Variants in ZNF816 observed in about 807,000 individuals in gnomAD.
The protein encoded by ZNF816 is zinc finger protein 816A.
ZNF816 carries 11 observed loss-of-function variants against 8.3 expected under a neutral mutation model. That is an observed-to-expected ratio of 1.32 (90% CI 0.83 to 2.19). The LOEUF is 2.19. Among genes scored for constraint, ZNF816 ranks in the 30% most tolerant of loss-of-function variants. ZNF816 has a pLI of 0.00. For missense variants in ZNF816, 710 were observed against 779.3 expected (o/e 0.91, Z 1.06); for synonymous variants, 255 against 254.5 (o/e 1.00, Z -0.02).
Position 52,951,030 on chromosome 19 carries a change from T to C in ZNF816, c.745A>G (p.Ile249Val), listed in dbSNP as rs1351380209. ...NYSSLLRRHH[I>V]THSREREYKC... ...TATTCTCTCTCTCTTGAATGGGTTA[T>C]GTGGTGTCTCCTTAAGAGTGAGCTA... The change falls in exon 4 of 4, where the codon ATA (isoleucine) becomes GTA (valine). Residue 249 changes from isoleucine to valine, a missense_variant. Coordinates refer to ENST00000444460, the MANE Select transcript of ZNF816 (RefSeq NM_001202457.3). The C allele has an allele frequency of 1.2e-6, 2 of 1,614,032 alleles. No homozygotes were observed. Among genetic ancestry groups the C allele is most frequent in the Admixed American group, 1.7e-5 (1 of 60,008 alleles).
At chr19:52,954,912 A>G (rs1033194090) in intron 2 of ZNF816, among the ~76,000 whole-genome samples, 3 of 152,096 alleles carry the variant, frequency 2.0e-5, no homozygotes, top group Non-Finnish European at 4.4e-5. Context: ...GACTTGCCAC[A>G]GAACTCTCAA....
chr19:52,959,065 G>A (rs1368216267), intron 1 of ZNF816, among the ~76,000 whole-genome samples: 2 of 152,242 alleles, frequency 1.3e-5, no homozygotes, highest in African/African-American at 4.8e-5. Context: ...CGAGGCCAGT[G>A]GCCTGCCTCT....
intron 1 of ZNF816, among the ~76,000 whole-genome samples, chr19:52,959,511 T>G (rs2083538578): frequency 6.6e-6 from 1 of 152,196 alleles, no homozygotes; most frequent in Admixed American, 6.5e-5. Context: ...GGATATGCGG[T>G]AGTAACCCTG....
intron 2 of ZNF816, among the ~76,000 whole-genome samples, chr19:52,955,540 G>A (rs569589422): frequency 2.6e-5 from 4 of 152,152 alleles, no homozygotes; most frequent in Non-Finnish European, 4.4e-5. Flanking sequence ...AAAGTTTGGC[G>A]TCAGAGACAT....
chr19:52,949,837 C>T lies in ZNF816; in HGVS notation c.1938G>A (p.Arg646=), dbSNP rs965704425. The T allele has an allele frequency of 8.7e-6, 14 of 1,613,518 alleles. No individual in the cohort carries two copies. Among genetic ancestry groups the T allele is most frequent in the Non-Finnish European group, 1.1e-5 (13 of 1,179,718 alleles). ...LIHHQAIHGC[R]ETLQM The stretch of plus-strand genomic sequence containing the variant: ...ACAATCATTACATTTGTAAAGTTTC[C>T]CTACACCCATGGATTGCTTGATGGT... The change falls in exon 4 of 4, where the codon AGG becomes AGA. Residue 646 remains arginine, a synonymous_variant. Coordinates refer to ENST00000444460, the MANE Select transcript of ZNF816 (RefSeq NM_001202457.3).
At chr19:52,961,372 C>G (rs2083555220) in intron 1 of ZNF816, among the ~76,000 whole-genome samples, 1 of 152,168 alleles carries the variant, frequency 6.6e-6, no homozygotes, top group Admixed American at 6.5e-5. Context: ...GCTCTCTTAA[C>G]TAAGAAAGGA....
intron 1 of ZNF816, 184 bp from the exon 2 acceptor site, chr19:52,956,288 T>G (rs766277704): frequency 1.0e-5 from 6 of 597,402 alleles, no homozygotes; most frequent in Non-Finnish European, 1.7e-5. Flanking sequence ...TTTTGACCCG[T>G]TTTCAGATCT....
At chr19:52,956,657 G>A (rs750795957) in intron 1 of ZNF816, among the ~76,000 whole-genome samples, 5 of 152,168 alleles carry the variant, frequency 3.3e-5, no homozygotes, top group Non-Finnish European at 7.3e-5. Context: ...CCATCTCTAC[G>A]AAGAACACAA....
Position 52,957,657 on chromosome 19 carries a change from C to A in ZNF816, c.-15-1553G>T, listed in dbSNP as rs1234656648. ...CAGTAGTAACCGCCCCGGTTGCCCC[C>A]CTTTCCAAAAAGACTATTGTTATAA... On this transcript the variant is annotated intron_variant, in intron 1 of 3. Transcript: ENST00000444460. This position sits in a 1 kb window ranked among gnomAD's most constrained non-coding sequence, Gnocchi z 4.6. 1.3e-5 allele frequency among the ~76,000 whole-genome samples: 2 copies of A among 152,154 alleles called. No homozygotes were observed. Among genetic ancestry groups the A allele is most frequent in the African/African-American group, 4.8e-5 (2 of 41,434 alleles).
chr19:52,954,627 C>A (rs1002881618), intron 2 of ZNF816, among the ~76,000 whole-genome samples: 2 of 152,048 alleles, frequency 1.3e-5, no homozygotes, highest in African/African-American at 4.8e-5. Flanking sequence ...AAGTTCGAGA[C>A]CAGCCTGGCC....
intron 2 of ZNF816, 85 bp downstream of exon 2, chr19:52,955,942 C>A: frequency 1.3e-6 from 2 of 1,528,384 alleles, no homozygotes; most frequent in Non-Finnish European, 1.8e-6. Context: ...TAGAATGCTT[C>A]ACACTCAGAG....
In ZNF816 at chr19:52,951,044, A is replaced by C; in HGVS notation, c.731T>G (p.Leu244Ter). Residue 244 changes from leucine to a stop codon, truncating the protein, a stop_gained, in exon 4 of 4, where the codon TTA becomes TGA. Transcript: ENST00000444460. LOFTEE classifies it low-confidence loss of function (END_TRUNC). Reference sequence around the variant, plus strand: ...TGAATGGGTTATGTGGTGTCTCCTTAAGAGTGAGCTATAATTAAAGGCTTT... The same window carrying C: ...TGAATGGGTTATGTGGTGTCTCCTTCAGAGTGAGCTATAATTAAAGGCTTT... ...CGKAFNYSSL[L>*]RRHHITHSRE... 1 of 1,614,084 alleles carries C rather than the reference A, an allele frequency of 6.2e-7. No homozygotes were observed. Among genetic ancestry groups the C allele is most frequent in the Non-Finnish European group, 8.5e-7 (1 of 1,180,024 alleles).
At position 52,950,074 on chromosome 19, in the gene ZNF816, A is replaced by G. The variant is rs1345837861; in HGVS notation, c.1701T>C (p.Cys567=). 1 of 1,613,926 alleles carries G rather than the reference A, an allele frequency of 6.2e-7. No individual in the cohort carries two copies. The highest frequency in any genetic ancestry group is 1.3e-5 in the African/African-American group (1 of 74,902). ...RVHTGEKPYK[C]NKCAKVFNQK... is the part of the protein sequence containing the mutation. ...GATTAAAAACCTTCGCACATTTATT[A>G]CACTTGTAAGGTTTCTCTCCAGTAT... The change falls in exon 4 of 4, where the codon TGT becomes TGC. Residue 567 remains cysteine (C), a synonymous_variant. Coordinates refer to ENST00000444460, the MANE Select transcript of ZNF816 (RefSeq NM_001202457.3).
chr19:52,953,678 T>C (rs2083485049), intron 2 of ZNF816, among the ~76,000 whole-genome samples: 1 of 140,736 alleles, frequency 7.1e-6, no homozygotes, highest in Non-Finnish European at 1.5e-5. Flanking sequence ...ATATTATATA[T>C]AATATTGTAT....
chr19:52,953,460 T>TTA (rs1266197351), intron 2 of ZNF816: 1 of 95,684 alleles, frequency 1.0e-5, no homozygotes, highest in Admixed American at 1.1e-4. Flanking sequence ...TAATATATAC[T>TTA]TATATATATT....
At chr19:52,952,360 ACT>A (rs916378635) in intron 3 of ZNF816, among the ~76,000 whole-genome samples, 3 of 151,410 alleles carry the variant, frequency 2.0e-5, no homozygotes, top group African/African-American at 7.3e-5. Context: ...ACAGAGGGAG[ACT>A]CTGTCTGAAA....
intron 1 of ZNF816, among the ~76,000 whole-genome samples, chr19:52,960,774 G>T (rs368362242): frequency 6.6e-6 from 1 of 152,048 alleles, no homozygotes; most frequent in Admixed American, 6.6e-5. Flanking sequence ...AAGGAATCCC[G>T]GCCTGGATCC....
Position 52,950,106 on chromosome 19 carries a change from T to C in ZNF816, c.1669A>G (p.Arg557Gly). 1 of 1,614,132 alleles carries C rather than the reference T, an allele frequency of 6.2e-7. No individual in the cohort carries two copies. Among genetic ancestry groups the C allele is most frequent in the Non-Finnish European group, 8.5e-7 (1 of 1,179,986 alleles). Residue 557 changes from arginine (R) to glycine (G), a missense_variant, in exon 4 of 4, where the codon AGA becomes GGA. By Grantham distance (125) the Arg-to-Gly change is moderately radical. Coordinates refer to ENST00000444460, the MANE Select transcript of ZNF816 (RefSeq NM_001202457.3). ...RSDSCLANHT[R>G]VHTGEKPYKC... ...TAAGGTTTCTCTCCAGTATGAACTCTCGTATGGTTTGCAAGGCATGAATCA... is the reference window on the plus strand; with the variant it reads ...TAAGGTTTCTCTCCAGTATGAACTCCCGTATGGTTTGCAAGGCATGAATCA...
chr19:52,960,433 C>T (rs1324590102), intron 1 of ZNF816, among the ~76,000 whole-genome samples: 2 of 152,140 alleles, frequency 1.3e-5, no homozygotes, highest in Non-Finnish European at 2.9e-5. Context: ...GCTCGGATAA[C>T]GGGCTGGAGT....
Sources: allele counts gnomAD v4.1 joint callset (sites outside exome capture counted in the v4.1 genomes callset), GRCh38; gene constraint gnomAD v4.1.1; non-coding constraint Gnocchi (gnomAD v3.1); transcripts MANE v1.5; gene names NCBI Gene and HGNC (gene_info 2026-07-23, HGNC 2026-07-21).